Variants in ROBO2 observed in about 807,000 individuals in gnomAD.
The protein encoded by ROBO2 is roundabout guidance receptor 2, also known as roundabout homolog 2.
ROBO2 carries 53 observed loss-of-function variants against 160.8 expected under a neutral mutation model. That is an observed-to-expected ratio of 0.33 (90% CI 0.26 to 0.41). The LOEUF (loss-of-function observed/expected upper bound fraction) is 0.41. Ranked by LOEUF, ROBO2 falls within the 10% of genes least tolerant of loss-of-function variation. ROBO2 has a pLI of 1.00. For synonymous variants in ROBO2, 664 were observed against 611.7 expected, an observed-to-expected ratio of 1.09 and a Z score of -1.26; for missense variants, 1,577 against 1,722.4, an observed-to-expected ratio of 0.92 and a Z score of 1.49.
At chr3:75,975,086 T>A (rs2065101310) in intron 2 of ROBO2, among the ~76,000 whole-genome samples, 1 of 151,668 alleles carries the variant, frequency 6.6e-6, no homozygotes, top group African/African-American at 2.4e-5. Context: ...GCTTAAAATT[T>A]GGAAGAAGAT....
At chr3:77,627,487 G>A (rs533298913) in intron 23 of ROBO2, among the ~76,000 whole-genome samples, 2 of 151,806 alleles carry the variant, frequency 1.3e-5, no homozygotes, top group East Asian at 3.9e-4. Context: ...GTTTCACCAT[G>A]TTGGCCAAGC....
At chr3:76,717,491 CAAAAAAA>C (rs538321640) in intron 2 of ROBO2, among the ~76,000 whole-genome samples, 14 of 73,208 alleles carry the variant, frequency 1.9e-4, no homozygotes, top group African/African-American at 4.8e-4. Context: ...ACCCTGTCTC[CAAAAAAA>C]AAAAAAAAGA....
intron 2 of ROBO2, among the ~76,000 whole-genome samples, chr3:76,432,367 G>A (rs1218988307): frequency 6.6e-6 from 1 of 152,114 alleles, no homozygotes; most frequent in African/African-American, 2.4e-5. Flanking sequence ...GCAAAACTCA[G>A]TGACTTAAAA....
chr3:77,100,025 A>T (rs1327385573), intron 2 of ROBO2, among the ~76,000 whole-genome samples: 1 of 152,174 alleles, frequency 6.6e-6, no homozygotes, highest in Non-Finnish European at 1.5e-5. Context: ...TCCTTAACAA[A>T]ATTTTACTTT....
chr3:76,786,766 C>G (rs1156862538), intron 2 of ROBO2, among the ~76,000 whole-genome samples: 1 of 151,258 alleles, frequency 6.6e-6, no homozygotes, highest in Non-Finnish European at 1.5e-5. Flanking sequence ...GTCTCTGTCA[C>G]AACTACTCAA....
At chr3:77,363,035 A>G (rs1267493250) in intron 2 of ROBO2, among the ~76,000 whole-genome samples, 1 of 152,150 alleles carries the variant, frequency 6.6e-6, no homozygotes, top group African/African-American at 2.4e-5. Flanking sequence ...AAACCATATC[A>G]AACAGGTAGA....
At chr3:76,490,424 T>C (rs1199588932) in intron 2 of ROBO2, among the ~76,000 whole-genome samples, 2 of 152,216 alleles carry the variant, frequency 1.3e-5, no homozygotes, top group Non-Finnish European at 2.9e-5. Context: ...TTTGGTTTCC[T>C]AGTGTTAGTA....
intron 1 of ROBO2, among the ~76,000 whole-genome samples, chr3:77,075,574 ACT>A (rs2067884170): frequency 6.6e-6 from 1 of 151,720 alleles, no homozygotes; most frequent in African/African-American, 2.4e-5. Flanking sequence ...AGAAAAAGTA[ACT>A]TTTTTGCATT....
chr3:76,038,161 G>A (rs569075573), intron 2 of ROBO2, among the ~76,000 whole-genome samples: 1 of 152,114 alleles, frequency 6.6e-6, no homozygotes, highest in South Asian at 2.1e-4. Flanking sequence ...GGAAGATCAT[G>A]AGTAGAATTC....
intron 2 of ROBO2, among the ~76,000 whole-genome samples, chr3:76,844,993 AT>A (rs2148495195): frequency 6.6e-6 from 1 of 152,012 alleles, no homozygotes; most frequent in East Asian, 1.9e-4. Context: ...ACTCTAAACT[AT>A]TTTCAGCCTG....
chr3:76,938,321 T>C (rs1388257341), intron 2 of ROBO2, among the ~76,000 whole-genome samples: 1 of 151,732 alleles, frequency 6.6e-6, no homozygotes, highest in Non-Finnish European at 1.5e-5. Flanking sequence ...GCTTCTGCAC[T>C]CCAGCCTGGA....
At chr3:77,616,124 T>C (rs1002203611) in intron 21 of ROBO2, among the ~76,000 whole-genome samples, 2 of 152,168 alleles carry the variant, frequency 1.3e-5, no homozygotes, top group Admixed American at 6.5e-5. Flanking sequence ...ATAAGTATTA[T>C]GGAATTGCAA....
chr3:76,391,911 T>A (rs1197270506), intron 2 of ROBO2, among the ~76,000 whole-genome samples: 6 of 152,172 alleles, frequency 3.9e-5, no homozygotes, highest in Non-Finnish European at 8.8e-5. Context: ...ATGATGCAAG[T>A]TTGTTGTTTA....
upstream of ROBO2, chr3:75,906,682 C>G (rs1352150251): frequency 6.6e-6 from 1 of 152,320 alleles, no homozygotes; most frequent in Admixed American, 6.5e-5. Flanking sequence ...ATTAGTAGCA[C>G]GGGCAGCTCG....
intron 2 of ROBO2, among the ~76,000 whole-genome samples, chr3:77,209,945 T>G (rs918887853): frequency 5.9e-5 from 9 of 152,196 alleles, no homozygotes; most frequent in African/African-American, 2.2e-4. Flanking sequence ...ACAGATGGAA[T>G]GTATGACCCC....
At chr3:77,433,488 A>ACATATATATATC (rs1560820245) in intron 2 of ROBO2, among the ~76,000 whole-genome samples, 1 of 40,640 alleles carries the variant, frequency 2.5e-5, no homozygotes, top group Non-Finnish European at 4.0e-5. Flanking sequence ...GGCAACTTGT[A>ACATATATATATC]TATATATATA....
At chr3:76,504,611 C>T (rs11127547) in intron 2 of ROBO2, among the ~76,000 whole-genome samples, 51,935 of 144,886 alleles carry the variant, frequency 0.36, 10,139 homozygotes, top group Non-Finnish European at 0.44. Flanking sequence ...TCATTGCAAC[C>T]TCTGCCTCCT....
At chr3:76,420,523 T>G (rs2075951003) in intron 2 of ROBO2, among the ~76,000 whole-genome samples, 1 of 152,234 alleles carries the variant, frequency 6.6e-6, no homozygotes, top group Non-Finnish European at 1.5e-5. Context: ...AACACACATT[T>G]AAGACAAGAA....
intron 2 of ROBO2, among the ~76,000 whole-genome samples, chr3:76,596,149 T>G (rs1415497531): frequency 6.6e-6 from 1 of 152,156 alleles, no homozygotes; most frequent in Non-Finnish European, 1.5e-5. Context: ...AGAAGGCAAC[T>G]ATAAACCTGA....
Sources: gnomAD v4.1 joint callset for allele counts (sites outside exome capture counted in the v4.1 genomes callset) on GRCh38, gnomAD v4.1.1 for gene constraint, MANE v1.5 for transcripts, NCBI Gene and HGNC (gene_info 2026-07-23, HGNC 2026-07-21) for gene names.